The following SYNDIG1 variants were observed in gnomAD, a reference collection of about 807,000 sequenced individuals.
The protein encoded by SYNDIG1 is synapse differentiation-inducing gene protein 1.
SYNDIG1 carries 9 observed loss-of-function variants against 19.4 expected under a neutral mutation model. The ratio of observed to expected loss-of-function variants is 0.46; its 90% CI spans 0.28 to 0.81. The LOEUF (loss-of-function observed/expected upper bound fraction) is 0.81, where lower values mean the gene tolerates loss of function less well. Ranked by LOEUF, SYNDIG1 falls within the 30% of genes least tolerant of loss-of-function variation. The probability of loss-of-function intolerance (pLI) is 0.12; values close to 1 mark genes in which losing one functional copy is unlikely to be tolerated. For missense variants in SYNDIG1, 311 were observed against 343.3 expected, an observed-to-expected ratio of 0.91 and a Z score of 0.74; for synonymous variants, 141 against 145.9, an observed-to-expected ratio of 0.97 and a Z score of 0.24.
chr20:24,496,255 G>T (rs1404295124), intron 1 of SYNDIG1, among the ~76,000 whole-genome samples: 11 of 152,152 alleles, frequency 7.2e-5, no homozygotes, highest in African/African-American at 2.2e-4. Flanking sequence ...ACACTTGTCC[G>T]TTCCGCCAGC....
chr20:24,642,772 T>G (rs1334349277), intron 3 of SYNDIG1, among the ~76,000 whole-genome samples: 1 of 152,164 alleles, frequency 6.6e-6, no homozygotes, highest in Non-Finnish European at 1.5e-5. Context: ...GTATGCTTCC[T>G]GTCCACGTCC....
chr20:24,471,864 A>G (rs1274483583), intron 1 of SYNDIG1, among the ~76,000 whole-genome samples: 1 of 152,230 alleles, frequency 6.6e-6, no homozygotes, highest in Non-Finnish European at 1.5e-5. Context: ...CCATTCAGTC[A>G]TGACACATTG....
At chr20:24,470,479 C>T (rs1056697462) in intron 1 of SYNDIG1, among the ~76,000 whole-genome samples, 1 of 152,202 alleles carries the variant, frequency 6.6e-6, no homozygotes, top group Non-Finnish European at 1.5e-5. Flanking sequence ...GAGCCACAGC[C>T]CTGGCGCCGA....
intron 3 of SYNDIG1, among the ~76,000 whole-genome samples, chr20:24,646,690 C>A (rs1360595925): frequency 1.3e-5 from 2 of 148,838 alleles, no homozygotes; most frequent in African/African-American, 4.9e-5. Flanking sequence ...GGCGTGATGT[C>A]GGCTCTCTAC....
intron 3 of SYNDIG1, among the ~76,000 whole-genome samples, chr20:24,585,754 T>C (rs1433638807): frequency 6.6e-6 from 1 of 152,258 alleles, no homozygotes; most frequent in Non-Finnish European, 1.5e-5. Context: ...CTGATGGCAT[T>C]ACCATGGCCC....
At chr20:24,505,672 C>A (rs1380776610) in intron 1 of SYNDIG1, among the ~76,000 whole-genome samples, 2 of 152,244 alleles carry the variant, frequency 1.3e-5, no homozygotes, top group Non-Finnish European at 2.9e-5. Flanking sequence ...GCTGTTTATG[C>A]TGTCTGGATG....
intron 3 of SYNDIG1, among the ~76,000 whole-genome samples, chr20:24,618,407 T>C (rs1333271711): frequency 6.6e-6 from 1 of 151,946 alleles, no homozygotes; most frequent in Non-Finnish European, 1.5e-5. Flanking sequence ...GGAGAAGGGT[T>C]CTCTACCATC....
chr20:24,524,475 C>A (rs2057074199), intron 1 of SYNDIG1, among the ~76,000 whole-genome samples: 1 of 152,114 alleles, frequency 6.6e-6, no homozygotes, highest in Non-Finnish European at 1.5e-5. Context: ...GAAACCCCGT[C>A]TCTACTAAAA....
At chr20:24,486,357 A>G (rs2055957200) in intron 1 of SYNDIG1, among the ~76,000 whole-genome samples, 2 of 152,196 alleles carry the variant, frequency 1.3e-5, no homozygotes, top group South Asian at 4.1e-4. Context: ...TTTGAATAGC[A>G]CAGGTCCAGA....
intron 2 of SYNDIG1, among the ~76,000 whole-genome samples, chr20:24,571,870 A>G (rs543132961): frequency 6.6e-6 from 1 of 152,346 alleles, no homozygotes; most frequent in Admixed American, 6.5e-5. Flanking sequence ...CCTGAAACTT[A>G]CATTTGTTTT....
chr20:24,665,571 C>T lies in SYNDIG1; in HGVS notation c.*67C>T. Reference sequence around the variant, plus strand: ...TGTGGACGTGGAGGAAGCAGGCATACCGCATGATGCTGTACAGTACAAATG... The same window carrying T: ...TGTGGACGTGGAGGAAGCAGGCATATCGCATGATGCTGTACAGTACAAATG... On this transcript the variant is annotated 3_prime_UTR_variant, in exon 4 of 4. Transcript: ENST00000376862. 6.2e-7 allele frequency: 1 copy of T among 1,600,518 alleles called. No individual in the cohort carries two copies. Among genetic ancestry groups the T allele is most frequent in the Non-Finnish European group, 8.5e-7 (1 of 1,172,594 alleles).
chr20:24,599,422 A>G (rs1342195809), intron 3 of SYNDIG1, among the ~76,000 whole-genome samples: 1 of 152,234 alleles, frequency 6.6e-6, no homozygotes. Flanking sequence ...AGAAAACAGT[A>G]TGGAGATTTC....
intron 2 of SYNDIG1, among the ~76,000 whole-genome samples, chr20:24,555,407 T>C (rs1309888174): frequency 2.0e-5 from 3 of 152,212 alleles, no homozygotes; most frequent in African/African-American, 7.2e-5. Flanking sequence ...AGGGTGTCAA[T>C]TTTGGATCTT....
chr20:24,529,268 G>T (rs2057191321), intron 1 of SYNDIG1, among the ~76,000 whole-genome samples: 1 of 152,172 alleles, frequency 6.6e-6, no homozygotes, highest in South Asian at 2.1e-4. Context: ...AATGGTACTG[G>T]TGACATTACT....
intron 1 of SYNDIG1, among the ~76,000 whole-genome samples, chr20:24,501,093 C>CCCGCGG (rs2146380218): frequency 6.6e-6 from 1 of 152,292 alleles, no homozygotes; most frequent in East Asian, 1.9e-4. Context: ...AGAAATCTAC[C>CCCGCGG]TATCTATCTA....
intron 2 of SYNDIG1, among the ~76,000 whole-genome samples, chr20:24,573,084 G>A (rs1043216929): frequency 2.6e-5 from 4 of 152,168 alleles, no homozygotes; most frequent in African/African-American, 4.8e-5. Flanking sequence ...GGCTCCTGGC[G>A]GTGGTTCTGT....
intron 3 of SYNDIG1, among the ~76,000 whole-genome samples, chr20:24,622,865 G>A (rs1600769245): frequency 6.7e-6 from 1 of 150,370 alleles, no homozygotes; most frequent in Non-Finnish European, 1.5e-5. Flanking sequence ...AAAACATCAA[G>A]CAGAATTAGA....
At chr20:24,577,534 C>G (rs1321487293) in intron 2 of SYNDIG1, among the ~76,000 whole-genome samples, 1 of 152,224 alleles carries the variant, frequency 6.6e-6, no homozygotes, top group Non-Finnish European at 1.5e-5. Context: ...GAAGCTCTTG[C>G]CTGGAGACCT....
intron 3 of SYNDIG1, among the ~76,000 whole-genome samples, chr20:24,640,945 A>G (rs1379895256): frequency 1.3e-5 from 2 of 152,364 alleles, no homozygotes; most frequent in East Asian, 1.9e-4. Flanking sequence ...GTGTCCATTC[A>G]TTTTGGTTGC....
Sources: gnomAD v4.1 joint callset for allele counts (sites outside exome capture counted in the v4.1 genomes callset) on GRCh38, gnomAD v4.1.1 for gene constraint, MANE v1.5 for transcripts, NCBI Gene and HGNC (gene_info 2026-07-23, HGNC 2026-07-21) for gene names.